The following RAPGEF2 variants were observed in gnomAD, a reference collection of about 807,000 sequenced individuals.
The protein encoded by RAPGEF2 is PDZ domain containing guanine nucleotide exchange factor (GEF) 1.
A neutral mutation model predicts 186.7 loss-of-function variants in RAPGEF2; 54 were observed. The observed-to-expected ratio is 0.29, with a 90% confidence interval of 0.23 to 0.36. RAPGEF2 has a LOEUF of 0.36. Ranked by LOEUF, RAPGEF2 falls within the 10% of genes least tolerant of loss-of-function variation. The pLI, the probability that RAPGEF2 is intolerant of heterozygous loss-of-function variation, is 1.00. For synonymous variants in RAPGEF2, 712 were observed against 705.9 expected (o/e 1.01, Z -0.14); for missense variants, 1,532 against 2,045.0 (o/e 0.75, Z 4.84).
intron 7 of RAPGEF2, among the ~76,000 whole-genome samples, chr4:159,300,100 TTAAAA>T (rs1762470632): frequency 1.3e-5 from 2 of 151,418 alleles, no homozygotes; most frequent in Non-Finnish European, 2.9e-5. Flanking sequence ...TTATAAAGTA[TTAAAA>T]GTGTAAAGTA....
intron 7 of RAPGEF2, among the ~76,000 whole-genome samples, chr4:159,271,550 AG>A (rs776854288): frequency 1.3e-5 from 2 of 152,202 alleles, no homozygotes; most frequent in Non-Finnish European, 2.9e-5. Flanking sequence ...GAGATTAAAA[AG>A]AATTTTTTTC....
At chr4:159,130,488 C>T (rs927290520) in intron 1 of RAPGEF2, among the ~76,000 whole-genome samples, 21 of 152,170 alleles carry the variant, frequency 1.4e-4, no homozygotes, top group Admixed American at 5.9e-4. Context: ...CTCAGCCCCC[C>T]AAGTAGCTAG....
chr4:159,104,514 G>GAC (rs1213318054), intron 1 of RAPGEF2, among the ~76,000 whole-genome samples: 19 of 130,932 alleles, frequency 1.5e-4, no homozygotes, highest in Admixed American at 2.3e-4. Context: ...GAGAGAGAGA[G>GAC]AGAGAGAGAG....
intron 1 of RAPGEF2, among the ~76,000 whole-genome samples, chr4:159,151,807 CTT>C (rs1442561535): frequency 6.6e-6 from 1 of 152,008 alleles, no homozygotes; most frequent in African/African-American, 2.4e-5. Context: ...AGGGTGTAAA[CTT>C]TAAAGCTTTG....
chr4:159,206,121 G>A (rs540887967), intron 3 of RAPGEF2, among the ~76,000 whole-genome samples: 54 of 152,182 alleles, frequency 3.5e-4, no homozygotes, highest in African/African-American at 1.2e-3. Flanking sequence ...TAGTAAAGAC[G>A]GGGTTTCACC....
chr4:159,172,875 T>G (rs899569119), intron 1 of RAPGEF2, among the ~76,000 whole-genome samples: 2 of 149,274 alleles, frequency 1.3e-5, no homozygotes, highest in Non-Finnish European at 3.0e-5. Flanking sequence ...ACCCAGCATT[T>G]TCTGTAACTG....
At chr4:159,310,490 T>A (rs1046980935) in intron 8 of RAPGEF2, among the ~76,000 whole-genome samples, 8 of 152,276 alleles carry the variant, frequency 5.3e-5, no homozygotes, top group African/African-American at 1.9e-4. Context: ...CATAAAAATT[T>A]TTTTGTTTGT....
chr4:159,304,251 A>G (rs1397685790), intron 7 of RAPGEF2, 91 bp from the exon 8 acceptor site: 4 of 1,212,996 alleles, frequency 3.3e-6, no homozygotes, highest in Admixed American at 2.4e-5. Flanking sequence ...GTTCAATGGT[A>G]TAGAATAAAA....
At chr4:159,229,455 T>G (rs1579527113) in intron 4 of RAPGEF2, 1 of 152,300 alleles carries the variant, frequency 6.6e-6, no homozygotes, top group Non-Finnish European at 1.5e-5. Context: ...CACAGAAACT[T>G]CGGACAATTT....
chr4:159,342,455 G>A (rs185779652), intron 20 of RAPGEF2, among the ~76,000 whole-genome samples: 16 of 151,682 alleles, frequency 1.1e-4, no homozygotes, highest in Admixed American at 3.9e-4. Context: ...TTATATTGAT[G>A]TTGAGGGTGA....
At chr4:159,128,643 T>C (rs976889888) in intron 1 of RAPGEF2, among the ~76,000 whole-genome samples, 8 of 151,718 alleles carry the variant, frequency 5.3e-5, no homozygotes, top group African/African-American at 1.9e-4. Flanking sequence ...ATATGGATTA[T>C]TTTAGAAGTA....
chr4:159,310,520 T>A (rs888249701), intron 8 of RAPGEF2, among the ~76,000 whole-genome samples: 14 of 152,092 alleles, frequency 9.2e-5, no homozygotes, highest in South Asian at 2.1e-4. Context: ...TGATTTTTTT[T>A]AAAAAATGTA....
chr4:159,307,933 T>A (rs1561252785), intron 8 of RAPGEF2, among the ~76,000 whole-genome samples: 1 of 152,164 alleles, frequency 6.6e-6, no homozygotes, highest in East Asian at 1.9e-4. Flanking sequence ...ATCTCCCCAC[T>A]GCACTCCAGC....
intron 7 of RAPGEF2, among the ~76,000 whole-genome samples, chr4:159,259,524 G>A (rs192603263): frequency 1.5e-4 from 23 of 152,190 alleles, no homozygotes; most frequent in Admixed American, 3.9e-4. Context: ...AATAGGATAA[G>A]TTTTTACTAG....
At chr4:159,119,313 G>A (rs998263161) in intron 1 of RAPGEF2, among the ~76,000 whole-genome samples, 1 of 152,114 alleles carries the variant, frequency 6.6e-6, no homozygotes, top group African/African-American at 2.4e-5. Context: ...AGAGGGGTGG[G>A]TGTTAAATCC....
intron 3 of RAPGEF2, among the ~76,000 whole-genome samples, chr4:159,204,967 G>C (rs183494759): frequency 6.6e-6 from 1 of 152,198 alleles, no homozygotes; most frequent in Non-Finnish European, 1.5e-5. Flanking sequence ...TTAAGCTTTG[G>C]CATTTCAGCA....
chr4:159,288,808 A>G (rs1162739247), intron 7 of RAPGEF2, among the ~76,000 whole-genome samples: 1 of 152,158 alleles, frequency 6.6e-6, no homozygotes, highest in Admixed American at 6.6e-5. Flanking sequence ...TTTCTCGACC[A>G]TTCCTAGGTT....
At chr4:159,241,397 T>G in intron 6 of RAPGEF2, 29 bp downstream of exon 6, 1 of 1,273,792 alleles carries the variant, frequency 7.9e-7, no homozygotes. Context: ...ATATTTTTAT[T>G]TATTTCTAGT....
intron 2 of RAPGEF2, among the ~76,000 whole-genome samples, chr4:159,188,766 T>G (rs979182454): frequency 6.6e-6 from 1 of 152,194 alleles, no homozygotes; most frequent in Non-Finnish European, 1.5e-5. Flanking sequence ...TTTCTGCAGC[T>G]GCAGAAGTAA....
Sources: allele counts gnomAD v4.1 joint callset (sites outside exome capture counted in the v4.1 genomes callset), GRCh38; gene constraint gnomAD v4.1.1; transcripts MANE v1.5; gene names NCBI Gene and HGNC (gene_info 2026-07-23, HGNC 2026-07-21).